Variants in KAZN observed in about 807,000 individuals in gnomAD.
The protein encoded by KAZN is kazrin.
Under a neutral mutation model 87.4 loss-of-function variants are expected in KAZN, and 40 were observed. That is an observed-to-expected ratio of 0.46 (90% confidence interval 0.36 to 0.60). The LOEUF is 0.60. Among genes scored for constraint, KAZN ranks in the 20% least tolerant of loss-of-function variants. The pLI is 0.00. For synonymous variants in KAZN, 466 were observed against 458.3 expected, an observed-to-expected ratio of 1.02 and a Z score of -0.22; for missense variants, 898 against 1,073.9, an observed-to-expected ratio of 0.84 and a Z score of 2.29.
intron 2 of KAZN, among the ~76,000 whole-genome samples, chr1:14,496,095 C>T (rs1669926511): frequency 6.6e-6 from 1 of 152,064 alleles, no homozygotes; most frequent in African/African-American, 2.4e-5. Context: ...CGCTTTTCAC[C>T]GATTCAAGAC....
intron 1 of KAZN, among the ~76,000 whole-genome samples, chr1:14,914,062 C>T (rs1003562015): frequency 1.3e-5 from 2 of 152,218 alleles, no homozygotes; most frequent in Non-Finnish European, 2.9e-5. Flanking sequence ...CCCTTCTGGG[C>T]AGGGCAGTGG....
chr1:14,552,367 C>A (rs1156734494), intron 2 of KAZN, among the ~76,000 whole-genome samples: 1 of 152,312 alleles, frequency 6.6e-6, no homozygotes, highest in Non-Finnish European at 1.5e-5. Context: ...CTGGGAGCCG[C>A]CTGCAGGGAG....
At chr1:13,989,812 G>C (rs1639196317) in intron 1 of KAZN, among the ~76,000 whole-genome samples, 1 of 152,186 alleles carries the variant, frequency 6.6e-6, no homozygotes, top group Admixed American at 6.5e-5. Context: ...GGATTGAAAA[G>C]AATTGCTGCC....
At chr1:14,727,216 G>A (rs1354177078) in intron 1 of KAZN, among the ~76,000 whole-genome samples, 1 of 152,124 alleles carries the variant, frequency 6.6e-6, no homozygotes, top group Non-Finnish European at 1.5e-5. Context: ...CCAGCACTGG[G>A]CAGGGAGATG....
rs140282823 is a variant in KAZN, at chr1:14,467,327, T to C, written c.250-131656T>C. Among the ~76,000 whole-genome samples the C allele has an allele frequency of 4.9e-3, 680 of 138,308 alleles. 8 individuals are homozygous for C. Among genetic ancestry groups the C allele is most frequent in the African/African-American group, 0.018 (647 of 36,042 alleles). The allele number at this position is 138,308 out of a possible 152,430, so 90.7% of individuals were successfully genotyped here. ...ACCACTAAGAAAATAACTTGAAATA[T>C]ATTATAAAAAAAAAACAACAAGGAA... On this transcript the variant is annotated intron_variant, in intron 2 of 16. Coordinates refer to the KAZN transcript ENST00000636203.
At chr1:14,631,356 C>T (rs1380177288) in intron 1 of KAZN, among the ~76,000 whole-genome samples, 1 of 152,248 alleles carries the variant, frequency 6.6e-6, no homozygotes, top group Non-Finnish European at 1.5e-5. Flanking sequence ...ATTTTAGTTA[C>T]ATACACCCAT....
intron 2 of KAZN, among the ~76,000 whole-genome samples, chr1:14,296,875 C>A (rs960512420): frequency 9.2e-5 from 14 of 151,980 alleles, no homozygotes; most frequent in African/African-American, 3.4e-4. Flanking sequence ...GATCCACCCA[C>A]CTCGGCTTCC....
chr1:15,076,808 A>G (rs1639780506), intron 8 of KAZN, among the ~76,000 whole-genome samples: 1 of 152,250 alleles, frequency 6.6e-6, no homozygotes, highest in Non-Finnish European at 1.5e-5. Context: ...GCAAGCTGGA[A>G]TTACGGTCAC....
rs1026124243 is a variant in KAZN at position 14,735,401 on chromosome 1, C to A, written c.226+136178C>A. ...AAGACACGTTTATTCTTGAAGGGAA[C>A]ACAAAAGAGGTATAGGATCTCCTTC... On this transcript the variant is annotated intron_variant, in intron 1 of 14. Transcript: ENST00000376030. The surrounding 1 kb of genome is among the most constrained non-coding windows in gnomAD (Gnocchi z 4.3). Among the ~76,000 whole-genome samples, 1 of 152,204 alleles carries A rather than the reference C, an allele frequency of 6.6e-6. No individual in the cohort carries two copies. The highest frequency in any genetic ancestry group is 1.5e-5 in the Non-Finnish European group (1 of 68,030).
chr1:14,764,504 C>T (rs531727875), intron 1 of KAZN, among the ~76,000 whole-genome samples: 8 of 151,978 alleles, frequency 5.3e-5, no homozygotes, highest in Middle Eastern at 3.4e-3. Flanking sequence ...CCTCTGCCCC[C>T]CCATAGAACG....
intron 1 of KAZN, among the ~76,000 whole-genome samples, chr1:14,637,978 T>C (rs1192632467): frequency 1.3e-5 from 2 of 152,108 alleles, no homozygotes; most frequent in African/African-American, 4.8e-5. Context: ...TCCCCGTCTC[T>C]GGCAGCTGCC....
intron 13 of KAZN, among the ~76,000 whole-genome samples, chr1:15,110,001 GTGTTGTGTA>G (rs1641461077): frequency 2.7e-5 from 2 of 74,456 alleles, no homozygotes; most frequent in South Asian, 4.3e-4. Context: ...GGGTATATGT[GTGTTGTGTA>G]TGTATGTGTA....
chr1:14,658,907 CT>C (rs1638975588), intron 1 of KAZN, among the ~76,000 whole-genome samples: 1 of 152,188 alleles, frequency 6.6e-6, no homozygotes, highest in Non-Finnish European at 1.5e-5. Flanking sequence ...AGAGCTTCCA[CT>C]TTCACCTGCT....
At chr1:14,625,604 T>G (rs1460100810) in intron 1 of KAZN, among the ~76,000 whole-genome samples, 1 of 152,184 alleles carries the variant, frequency 6.6e-6, no homozygotes, top group Non-Finnish European at 1.5e-5. Context: ...TAAGACTATT[T>G]TGACAAGATA....
chr1:14,477,152 G>A (rs1345947244), intron 2 of KAZN, among the ~76,000 whole-genome samples: 2 of 152,158 alleles, frequency 1.3e-5, no homozygotes, highest in Admixed American at 6.5e-5. Flanking sequence ...AATTATGGGG[G>A]TGGGCCTTTC....
chr1:14,777,505 C>T (rs1319551179), intron 1 of KAZN, among the ~76,000 whole-genome samples: 3 of 152,120 alleles, frequency 2.0e-5, no homozygotes, highest in South Asian at 2.1e-4. Context: ...ATGCCCCATG[C>T]GACCCCCACA....
intron 1 of KAZN, among the ~76,000 whole-genome samples, chr1:14,002,083 A>T (rs528327800): frequency 1.3e-5 from 2 of 152,200 alleles, no homozygotes; most frequent in African/African-American, 4.8e-5. Flanking sequence ...AATGGGAAAA[A>T]ATTTTTGCAA....
chr1:14,640,999 C>T (rs939049868), intron 1 of KAZN, among the ~76,000 whole-genome samples: 12 of 152,218 alleles, frequency 7.9e-5, no homozygotes, highest in African/African-American at 2.9e-4. Context: ...GGCAAAATGA[C>T]TGCTGGTAAC....
intron 1 of KAZN, among the ~76,000 whole-genome samples, chr1:13,912,538 G>T (rs1639690493): frequency 6.6e-6 from 1 of 152,164 alleles, no homozygotes; most frequent in African/African-American, 2.4e-5. Flanking sequence ...TTAAAAAGTA[G>T]ATCAGATGAT....
Sources: gnomAD v4.1 joint callset for allele counts (sites outside exome capture counted in the v4.1 genomes callset) on GRCh38, gnomAD v4.1.1 for gene constraint, Gnocchi (gnomAD v3.1) non-coding constraint, MANE v1.5 for transcripts, NCBI Gene and HGNC (gene_info 2026-07-23, HGNC 2026-07-21) for gene names.